The following DLGAP2 variants were observed in gnomAD, a reference collection of about 807,000 sequenced individuals.
DLGAP2 encodes the protein DLG associated protein 2.
DLGAP2 carries 26 observed loss-of-function variants against 100.3 expected under a neutral mutation model. The ratio of observed to expected loss-of-function variants is 0.26; its 90% CI spans 0.19 to 0.36. DLGAP2 has a LOEUF of 0.36. DLGAP2 is among the 10% of genes least tolerant of loss of function. The pLI is 1.00. For synonymous variants in DLGAP2, 886 were observed against 630.1 expected (o/e 1.41, Z -6.08); for missense variants, 1,858 against 1,453.2 (o/e 1.28, Z -4.53).
intron 6 of DLGAP2, among the ~76,000 whole-genome samples, chr8:1,581,325 C>G (rs1170341131): frequency 6.6e-6 from 1 of 150,610 alleles, no homozygotes; most frequent in Non-Finnish European, 1.5e-5. Context: ...AGTCAAACTA[C>G]CAGAAGAGAA....
At chr8:1,391,563 A>C (rs1172713990) in intron 3 of DLGAP2, among the ~76,000 whole-genome samples, 1 of 152,196 alleles carries the variant, frequency 6.6e-6, no homozygotes, top group Non-Finnish European at 1.5e-5. Context: ...CGCTACCAGC[A>C]CATGTTCCAC....
At chr8:1,186,765 A>T (rs1262185038) in intron 2 of DLGAP2, among the ~76,000 whole-genome samples, 2 of 151,934 alleles carry the variant, frequency 1.3e-5, no homozygotes, top group African/African-American at 4.8e-5. Flanking sequence ...GGCTCTAAGG[A>T]GCTTGGACGT....
chr8:1,017,677 G>A (rs926214143), intron 2 of DLGAP2, among the ~76,000 whole-genome samples: 1 of 148,040 alleles, frequency 6.8e-6, no homozygotes, highest in Non-Finnish European at 1.5e-5. Flanking sequence ...GGAGCCTTTT[G>A]GCTTGTGTTT....
intron 3 of DLGAP2, chr8:1,381,165 G>C (rs1273356577): frequency 3.3e-5 from 5 of 152,128 alleles, no homozygotes; most frequent in Non-Finnish European, 5.9e-5. Context: ...GGCTGGACAA[G>C]CAACCAGAAC....
intron 3 of DLGAP2, among the ~76,000 whole-genome samples, chr8:1,357,884 C>T (rs1034436835): frequency 1.3e-5 from 2 of 152,166 alleles, no homozygotes; most frequent in African/African-American, 2.4e-5. Flanking sequence ...TGCCCCTGCA[C>T]CTGCATCTAA....
At chr8:1,592,111 G>A (rs540148680) in intron 6 of DLGAP2, among the ~76,000 whole-genome samples, 48 of 152,250 alleles carry the variant, frequency 3.2e-4, no homozygotes, top group African/African-American at 1.1e-3. Flanking sequence ...AAACAGCTGC[G>A]ATGGGTGCAG....
intron 4 of DLGAP2, among the ~76,000 whole-genome samples, chr8:1,547,998 A>G (rs1801600115): frequency 6.6e-6 from 1 of 152,198 alleles, no homozygotes; most frequent in Non-Finnish European, 1.5e-5. Flanking sequence ...CAAAACTGAA[A>G]TCTATGTGAA....
intron 2 of DLGAP2, among the ~76,000 whole-genome samples, chr8:1,094,390 G>A (rs1425565445): frequency 6.6e-6 from 1 of 152,242 alleles, no homozygotes; most frequent in Non-Finnish European, 1.5e-5. Flanking sequence ...CAGAGATGGA[G>A]AATCCAGTAT....
intron 1 of DLGAP2, chr8:740,002 G>C (rs548354214): frequency 3.3e-5 from 5 of 152,318 alleles, no homozygotes; most frequent in Non-Finnish European, 7.3e-5. Flanking sequence ...GACCTGGGAC[G>C]CATCCTGCCT....
chr8:1,061,996 C>T (rs1803099197), intron 2 of DLGAP2, among the ~76,000 whole-genome samples: 1 of 151,900 alleles, frequency 6.6e-6, no homozygotes, highest in East Asian at 1.9e-4. Flanking sequence ...ATAGGTGGCT[C>T]CTGTCTAAAT....
chr8:1,298,308 C>T (rs763006216), intron 3 of DLGAP2, among the ~76,000 whole-genome samples: 18 of 152,196 alleles, frequency 1.2e-4, no homozygotes, highest in Admixed American at 3.3e-4. Context: ...ACACCAAATG[C>T]GTCCGCTTCC....
chr8:1,126,855 C>G (rs1419644934), intron 2 of DLGAP2, among the ~76,000 whole-genome samples: 2 of 152,020 alleles, frequency 1.3e-5, no homozygotes, highest in Non-Finnish European at 2.9e-5. Flanking sequence ...GATGAGGGGC[C>G]TCACTGGATT....
chr8:989,664 C>T (rs1251408523), intron 2 of DLGAP2, among the ~76,000 whole-genome samples: 1 of 152,054 alleles, frequency 6.6e-6, no homozygotes, highest in African/African-American at 2.4e-5. Flanking sequence ...CATCTGGAAC[C>T]TGAGAAAAGT....
At chr8:1,494,412 A>T (rs1020694027) in intron 3 of DLGAP2, among the ~76,000 whole-genome samples, 37 of 152,216 alleles carry the variant, frequency 2.4e-4, no homozygotes, top group African/African-American at 7.5e-4. Context: ...TGCAGTTGGC[A>T]TTCACGGGGC....
chr8:1,549,978 C>T (rs987577955), intron 5 of DLGAP2, among the ~76,000 whole-genome samples: 2 of 152,172 alleles, frequency 1.3e-5, no homozygotes, highest in South Asian at 2.1e-4. Flanking sequence ...CTTGAGCTGA[C>T]CCCTCCTCAC....
rs138288923 is a variant in DLGAP2 at position 1,440,242 on chromosome 8, C to G, written c.107-61124C>G. Among the ~76,000 whole-genome samples the G allele has an allele frequency of 4.1e-3, 627 of 152,300 alleles. 4 individuals are homozygous for G. Among genetic ancestry groups the G allele is most frequent in the African/African-American group, 0.014 (584 of 41,560 alleles). On this transcript the variant is annotated intron_variant, in intron 3 of 14. Coordinates refer to ENST00000637795, the MANE Select transcript of DLGAP2 (RefSeq NM_001346810.2). ...CTAAATTGTGGTATAAATCGGGTATCTATTTTGAGTTCAAGTTCTCCTTTA... is the reference window on the plus strand; with the variant it reads ...CTAAATTGTGGTATAAATCGGGTATGTATTTTGAGTTCAAGTTCTCCTTTA...
At chr8:1,123,695 A>G (rs1796101354) in intron 2 of DLGAP2, among the ~76,000 whole-genome samples, 1 of 152,078 alleles carries the variant, frequency 6.6e-6, no homozygotes, top group Non-Finnish European at 1.5e-5. Flanking sequence ...TTCTCTATGT[A>G]CAACCTCTTT....
intron 2 of DLGAP2, among the ~76,000 whole-genome samples, chr8:981,844 A>T (rs549101579): frequency 6.6e-6 from 1 of 152,202 alleles, no homozygotes; most frequent in African/African-American, 2.4e-5. Context: ...GTTTGAAACT[A>T]TTTGCTCTTG....
At chr8:1,258,723 A>T in intron 2 of DLGAP2, 128 bp from the exon 3 acceptor site, 1 of 762,932 alleles carries the variant, frequency 1.3e-6, no homozygotes, top group Non-Finnish European at 1.8e-6. Flanking sequence ...GGAAGGGTCC[A>T]CTGGCTCTGG....
Sources: allele counts gnomAD v4.1 joint callset (sites outside exome capture counted in the v4.1 genomes callset), GRCh38; gene constraint gnomAD v4.1.1; transcripts MANE v1.5; gene names NCBI Gene and HGNC (gene_info 2026-07-23, HGNC 2026-07-21).